The following CDK13 variants were observed in gnomAD, a reference collection of about 807,000 sequenced individuals.
CDK13 encodes cyclin-dependent kinase 13.
A neutral mutation model predicts 137.6 loss-of-function variants in CDK13; 40 were observed. That is an observed-to-expected ratio of 0.29 (90% CI 0.23 to 0.38). CDK13 has a LOEUF of 0.38. Ranked by LOEUF, CDK13 falls within the 10% of genes least tolerant of loss-of-function variation. The probability of loss-of-function intolerance (pLI) is 1.00; values close to 1 mark genes in which losing one functional copy is unlikely to be tolerated. For synonymous variants in CDK13, 869 were observed against 760.1 expected (o/e 1.14, Z -2.36); for missense variants, 1,704 against 1,951.8 (o/e 0.87, Z 2.39).
chr7:40,006,962 C>G (rs1784807106), intron 5 of CDK13, among the ~76,000 whole-genome samples: 1 of 152,058 alleles, frequency 6.6e-6, no homozygotes, highest in Non-Finnish European at 1.5e-5. Context: ...TCTGCCCTAC[C>G]CTCAAAAAGG....
chr7:40,029,284 C>G (rs780382229), intron 5 of CDK13, among the ~76,000 whole-genome samples: 9 of 151,786 alleles, frequency 5.9e-5, no homozygotes, highest in Non-Finnish European at 1.2e-4. Flanking sequence ...AAAAATCATT[C>G]GATCGTGGTG....
chr7:40,025,709 G>A (rs558539263), intron 5 of CDK13, among the ~76,000 whole-genome samples: 1 of 152,162 alleles, frequency 6.6e-6, no homozygotes, highest in Non-Finnish European at 1.5e-5. Flanking sequence ...TTGGTCATGT[G>A]TGAAATTTTA....
At chr7:40,082,986 C>G (rs183930629) in intron 11 of CDK13, among the ~76,000 whole-genome samples, 1 of 151,790 alleles carries the variant, frequency 6.6e-6, no homozygotes, top group Non-Finnish European at 1.5e-5. Flanking sequence ...GCCTGTAATC[C>G]CAGCTACTCC....
At chr7:39,970,607 T>G (rs1783977787) in intron 1 of CDK13, among the ~76,000 whole-genome samples, 1 of 152,028 alleles carries the variant, frequency 6.6e-6, no homozygotes, top group Admixed American at 6.5e-5. Context: ...ATTACAGGCA[T>G]GTGCCACCAC....
intron 1 of CDK13, among the ~76,000 whole-genome samples, chr7:39,974,117 A>G (rs1281049655): frequency 1.3e-5 from 2 of 152,252 alleles, no homozygotes; most frequent in Admixed American, 6.5e-5. Flanking sequence ...TAGTTCAAAA[A>G]AGCAGCTAGG....
intron 5 of CDK13, among the ~76,000 whole-genome samples, chr7:40,030,422 ATTTTTTTTTTTTTT>A (rs34922492): frequency 0.085 from 5,601 of 66,210 alleles, 375 homozygotes; most frequent in African/African-American, 0.22. Flanking sequence ...GCAACCACTG[ATTTTTTTTTTTTTT>A]TTTTTTTTTT....
chr7:40,014,288 C>T (rs999870834), intron 5 of CDK13, among the ~76,000 whole-genome samples: 11 of 151,480 alleles, frequency 7.3e-5, no homozygotes, highest in African/African-American at 2.2e-4. Flanking sequence ...AGGCTGGTCT[C>T]GAACTCCTGA....
chr7:40,083,575 G>A (rs1025551358), intron 11 of CDK13, among the ~76,000 whole-genome samples: 17 of 152,036 alleles, frequency 1.1e-4, no homozygotes, highest in Admixed American at 8.5e-4. Flanking sequence ...CCAAAACTTG[G>A]AACTATAGGT....
chr7:40,072,027 A>G (rs760769416), intron 9 of CDK13: 1 of 152,260 alleles, frequency 6.6e-6, no homozygotes, highest in African/African-American at 2.4e-5. Context: ...GTTGTACAGT[A>G]GAAGTGCTTA....
chr7:40,092,574 T>G (rs549385096), intron 12 of CDK13: 2 of 524,506 alleles, frequency 3.8e-6, no homozygotes, highest in South Asian at 5.3e-5. Context: ...CCCTAAAGAT[T>G]TATTCAAAAT....
chr7:40,043,031 A>T (rs1393901869), intron 5 of CDK13, among the ~76,000 whole-genome samples: 1 of 152,004 alleles, frequency 6.6e-6, no homozygotes, highest in Non-Finnish European at 1.5e-5. Flanking sequence ...TCTCGCCCCG[A>T]TCTCCCAAAG....
At position 39,951,544 on chromosome 7, in the gene CDK13, G is replaced by A. The variant is rs1398944405; in HGVS notation, c.903G>A (p.Arg301=). 1.3e-6 allele frequency: 2 copies of A among 1,538,502 alleles called. No individual in the cohort carries two copies. The highest frequency in any genetic ancestry group is 2.6e-5 in the East Asian group (1 of 39,208). Residue 301 remains arginine (R), a synonymous_variant, in exon 1 of 14, where the codon CGG becomes CGA. Coordinates refer to ENST00000181839, the MANE Select transcript of CDK13 (RefSeq NM_003718.5). ...SAYKEPPKAY[R]EDKTEPKAYR... is the part of the protein sequence containing the mutation. ...ACAAGGAACCGCCCAAGGCCTACCG[G>A]GAGGACAAGACCGAGCCTAAGGCCT...
At chr7:40,002,145 C>A in intron 5 of CDK13, 114 bp downstream of exon 5, 2 of 623,442 alleles carry the variant, frequency 3.2e-6, no homozygotes, top group Non-Finnish European at 5.4e-6. Context: ...TTGCTCTAAT[C>A]GTGAAACTAT....
In CDK13 at chr7:39,976,323, T is replaced by TCTCTCACACACACACACACACACA; in HGVS notation, c.1212-11275_1212-11274insTCTCACACACACACACACACACAC. 1.8e-3 allele frequency among the ~76,000 whole-genome samples: 73 copies of TCTCTCACACACACACACACACACA among 39,562 alleles called. 1 individual carries two copies. The highest frequency in any genetic ancestry group is 0.017 in the Middle Eastern group (1 of 60). 26.0% of individuals were successfully genotyped at this position (39,562 alleles called of 152,430 possible). On this transcript the variant is annotated intron_variant, in intron 1 of 13. Transcript: ENST00000181839. Reference sequence around the variant, plus strand: ...CTCTCTCTCTCTCTCTCTCTCTCTCTCACACACACACACACACACACACAC... The same window carrying TCTCTCACACACACACACACACACA: ...CTCTCTCTCTCTCTCTCTCTCTCTCTCTCTCACACACACACACACACACACACACACACACACACACACACACAC...
At chr7:39,993,069 T>C (rs1784496916) in intron 2 of CDK13, among the ~76,000 whole-genome samples, 1 of 152,206 alleles carries the variant, frequency 6.6e-6, no homozygotes, top group Non-Finnish European at 1.5e-5. Context: ...AGTGATTGAA[T>C]ATCCTTTTTC....
intron 5 of CDK13, among the ~76,000 whole-genome samples, chr7:40,030,158 C>T (rs1489028790): frequency 6.6e-6 from 1 of 151,956 alleles, no homozygotes; most frequent in Non-Finnish European, 1.5e-5. Context: ...GTTATAGCCA[C>T]TATACACTAT....
At chr7:40,044,660 G>A (rs868379277) in intron 5 of CDK13, among the ~76,000 whole-genome samples, 9 of 150,622 alleles carry the variant, frequency 6.0e-5, no homozygotes, top group African/African-American at 2.2e-4. Context: ...TTTTTGAGAC[G>A]GAGTCTCGCT....
At chr7:39,963,433 A>C (rs1210452437) in intron 1 of CDK13, among the ~76,000 whole-genome samples, 2 of 151,752 alleles carry the variant, frequency 1.3e-5, no homozygotes, top group Admixed American at 1.3e-4. Flanking sequence ...TTTGTCTGTT[A>C]TTGGTGTATA....
chr7:40,052,080 C>CAAAAGGATGG (rs879307380), intron 7 of CDK13, among the ~76,000 whole-genome samples: 34 of 152,278 alleles, frequency 2.2e-4, no homozygotes, highest in Admixed American at 1.4e-3. Flanking sequence ...GAGTATCTTT[C>CAAAAGGATGG]TCTCTTTATG....
Sources: gnomAD v4.1 joint callset for allele counts (sites outside exome capture counted in the v4.1 genomes callset) on GRCh38, gnomAD v4.1.1 for gene constraint, MANE v1.5 for transcripts, NCBI Gene and HGNC (gene_info 2026-07-23, HGNC 2026-07-21) for gene names.